The following CCDC7 variants were observed in gnomAD, a reference collection of about 807,000 sequenced individuals.
CCDC7 encodes coiled-coil domain containing 7.
Under a neutral mutation model 196.9 loss-of-function variants are expected in CCDC7, and 183 were observed. The observed-to-expected ratio is 0.93, with a 90% confidence interval of 0.82 to 1.05. CCDC7 has a LOEUF of 1.05. CCDC7 is among the 50% of genes least tolerant of loss of function. CCDC7 has a pLI of 0.00. For synonymous variants in CCDC7, 525 were observed against 484.6 expected, an observed-to-expected ratio of 1.08 and a Z score of -1.10; for missense variants, 1,540 against 1,482.2, an observed-to-expected ratio of 1.04 and a Z score of -0.64.
In CCDC7 at chr10:32,564,829, G is replaced by T. The variant is rs2056503457; in HGVS notation, c.1135-729G>T. On this transcript the variant is annotated intron_variant, in intron 13 of 41. Transcript: ENST00000639629. ...AAAAAAAAGAATCTACCTACACTTG[G>T]CTGGGTGTGTGGTGGCTCATGCCTA... Among the ~76,000 whole-genome samples the T allele has an allele frequency of 2.0e-5, 3 of 152,006 alleles. No individual in the cohort carries two copies. The South Asian group carries it at 6.3e-4, about 32-fold the overall frequency.
At chr10:32,820,895 C>T (rs1412868880) in intron 31 of CCDC7, among the ~76,000 whole-genome samples, 1 of 152,130 alleles carries the variant, frequency 6.6e-6, no homozygotes, top group East Asian at 1.9e-4. Context: ...CCATTCAGGA[C>T]ATAGGCATGG....
chr10:32,620,099 T>G (rs1036029318), intron 18 of CCDC7, among the ~76,000 whole-genome samples: 3 of 151,782 alleles, frequency 2.0e-5, no homozygotes, highest in Admixed American at 2.0e-4. Context: ...ATTTTTGTAT[T>G]TTTAGTAGAG....
chr10:32,639,068 C>G (rs2066217361), intron 20 of CCDC7, among the ~76,000 whole-genome samples: 1 of 152,034 alleles, frequency 6.6e-6, no homozygotes, highest in East Asian at 1.9e-4. Context: ...TGTGGGATCG[C>G]TGGTGATGTC....
intron 5 of CCDC7, among the ~76,000 whole-genome samples, chr10:32,464,077 T>C (rs191654266): frequency 6.6e-6 from 1 of 152,310 alleles, no homozygotes; most frequent in Non-Finnish European, 1.5e-5. Flanking sequence ...ACTCTTCTTT[T>C]GCACTCAGTC....
chr10:32,759,981 AAC>A, intron 28 of CCDC7, among the ~76,000 whole-genome samples: 1 of 152,180 alleles, frequency 6.6e-6, no homozygotes, highest in African/African-American at 2.4e-5. Flanking sequence ...GCAGCCAAAA[AAC>A]ACATGAAAAA....
chr10:32,845,943 A>G (rs748958643), exon 36 of CCDC7: 2 of 1,611,104 alleles, frequency 1.2e-6, no homozygotes, highest in Non-Finnish European at 1.7e-6. Flanking sequence ...TCACTACACA[A>G]CTGAAGAGTC....
intron 8 of CCDC7, among the ~76,000 whole-genome samples, chr10:32,474,418 T>C (rs1401039748): frequency 6.6e-6 from 1 of 151,476 alleles, no homozygotes; most frequent in African/African-American, 2.4e-5. Context: ...CTTTTTTTTT[T>C]AGTAGAGAGA....
At chr10:32,703,723 C>A (rs539166365) in intron 24 of CCDC7, among the ~76,000 whole-genome samples, 1 of 151,932 alleles carries the variant, frequency 6.6e-6, no homozygotes, top group East Asian at 1.9e-4. Context: ...TCTTTTTATT[C>A]TTTTTTCTCT....
chr10:32,593,140 C>G (rs1366726002), intron 18 of CCDC7, among the ~76,000 whole-genome samples: 4 of 152,156 alleles, frequency 2.6e-5, no homozygotes, highest in Non-Finnish European at 5.9e-5. Flanking sequence ...TTTCACAATG[C>G]TTGAACTAGT....
chr10:32,529,408 T>C (rs1226880280), intron 11 of CCDC7, among the ~76,000 whole-genome samples: 2 of 152,208 alleles, frequency 1.3e-5, no homozygotes, highest in African/African-American at 2.4e-5. Context: ...AAGTGTACCC[T>C]TTTTACTATA....
intron 8 of CCDC7, chr10:32,481,844 C>A (rs1008291812): frequency 6.6e-6 from 1 of 152,132 alleles, no homozygotes; most frequent in African/African-American, 2.4e-5. Context: ...TTCTTACTCT[C>A]TCTTAGACTG....
At chr10:32,641,126 T>G (rs2066721052) in intron 20 of CCDC7, among the ~76,000 whole-genome samples, 1 of 152,262 alleles carries the variant, frequency 6.6e-6, no homozygotes, top group Non-Finnish European at 1.5e-5. Context: ...GACAATTATG[T>G]GTCTTGGAGT....
chr10:32,529,452 G>T (rs1456657704), intron 11 of CCDC7, among the ~76,000 whole-genome samples: 2 of 152,024 alleles, frequency 1.3e-5, no homozygotes, highest in African/African-American at 4.8e-5. Context: ...TTGATTCTTT[G>T]ATTATGGCCA....
exon 1 of CCDC7, chr10:32,451,649 C>A: frequency 6.3e-7 from 1 of 1,576,844 alleles, no homozygotes; most frequent in South Asian, 1.2e-5. Context: ...CAAAATGAAA[C>A]CAGTAAAGCA....
At chr10:32,854,228 G>GA (rs1308147550) in intron 40 of CCDC7, among the ~76,000 whole-genome samples, 172 bp from the exon 42 acceptor site, 2 of 151,880 alleles carry the variant, frequency 1.3e-5, no homozygotes, top group Non-Finnish European at 2.9e-5. Context: ...TACCAGGCAA[G>GA]AAAAAAATCA....
intron 8 of CCDC7, among the ~76,000 whole-genome samples, chr10:32,477,537 A>G (rs780018888): frequency 2.0e-4 from 30 of 150,190 alleles, no homozygotes; most frequent in Non-Finnish European, 3.1e-4. Context: ...TGTAAAGTCT[A>G]TGTCTAGAGT....
downstream of CCDC7, among the ~76,000 whole-genome samples, chr10:32,881,270 A>G (rs2094781091): frequency 6.6e-6 from 1 of 152,108 alleles, no homozygotes; most frequent in Admixed American, 6.5e-5. Flanking sequence ...CCTACTTCTG[A>G]TTTTAAAAAT....
chr10:32,460,026 T>A (rs759615761), intron 3 of CCDC7, among the ~76,000 whole-genome samples: 1 of 152,158 alleles, frequency 6.6e-6, no homozygotes, highest in Non-Finnish European at 1.5e-5. Context: ...TAATTTGATA[T>A]ATGATCAAAT....
intron 3 of CCDC7, among the ~76,000 whole-genome samples, chr10:32,459,135 A>G (rs2035031945): frequency 1.3e-5 from 2 of 152,036 alleles, no homozygotes; most frequent in African/African-American, 4.8e-5. Context: ...TGTTGATTTT[A>G]TATTTTGCAG....
Sources: gnomAD v4.1 joint callset for allele counts (sites outside exome capture counted in the v4.1 genomes callset) on GRCh38, gnomAD v4.1.1 for gene constraint, MANE v1.5 for transcripts, NCBI Gene and HGNC (gene_info 2026-07-23, HGNC 2026-07-21) for gene names.